The following RERE variants were observed in gnomAD, a reference collection of about 807,000 sequenced individuals.
RERE encodes the protein arginine-glutamic acid dipeptide repeats protein.
Under a neutral mutation model 146.1 loss-of-function variants are expected in RERE, and 40 were observed. That is an observed-to-expected ratio of 0.27 (90% CI 0.21 to 0.36). RERE has a LOEUF of 0.36. RERE is among the 10% of genes least tolerant of loss of function. The pLI is 1.00. For synonymous variants in RERE, 1,003 were observed against 866.0 expected (o/e 1.16, Z -2.78); for missense variants, 1,933 against 2,138.7 (o/e 0.90, Z 1.90).
chr1:8,592,879 T>C (rs781763160), intron 4 of RERE, among the ~76,000 whole-genome samples: 21 of 152,214 alleles, frequency 1.4e-4, no homozygotes. Context: ...CAAATACATG[T>C]AAAACGTGTT....
chr1:8,659,847 A>C (rs989459924), intron 1 of RERE, among the ~76,000 whole-genome samples: 1 of 152,204 alleles, frequency 6.6e-6, no homozygotes, highest in Non-Finnish European at 1.5e-5. Flanking sequence ...ATTCAACACT[A>C]CTCACTACAA....
chr1:8,450,646 C>A (rs1644379952), intron 11 of RERE, among the ~76,000 whole-genome samples: 1 of 152,158 alleles, frequency 6.6e-6, no homozygotes, highest in African/African-American at 2.4e-5. Flanking sequence ...TTCAGATCCA[C>A]ACAGAATCCC....
At chr1:8,385,813 A>G (rs1368809967) in intron 12 of RERE, among the ~76,000 whole-genome samples, 1 of 149,350 alleles carries the variant, frequency 6.7e-6, no homozygotes, top group African/African-American at 2.5e-5. Context: ...ATACAAAAAA[A>G]AAAAAATTAG....
At chr1:8,456,514 T>G (rs1644455138) in intron 11 of RERE, among the ~76,000 whole-genome samples, 1 of 151,968 alleles carries the variant, frequency 6.6e-6, no homozygotes, top group African/African-American at 2.4e-5. Context: ...TGACTCAGAG[T>G]CCTACATAAC....
chr1:8,525,802 G>A lies in RERE; in HGVS notation c.830+15412C>T, dbSNP rs996235620. ...TCATCCATGACTAACACGGGCTCTGGTGAGTCTAGCTGGATTCCTGAACCT... is the reference window on the plus strand; with the variant it reads ...TCATCCATGACTAACACGGGCTCTGATGAGTCTAGCTGGATTCCTGAACCT... On this transcript the variant is annotated intron_variant, in intron 7 of 22. Coordinates refer to ENST00000400908, the MANE Select transcript of RERE (RefSeq NM_001042681.2). 1.1e-5 allele frequency: 18 copies of A among 1,594,146 alleles called. No homozygotes were observed. The South Asian group carries it at 1.4e-4, about 12-fold the overall frequency.
intron 2 of RERE, among the ~76,000 whole-genome samples, chr1:8,632,451 T>C (rs141935473): frequency 1.7e-3 from 263 of 152,374 alleles, no homozygotes; most frequent in African/African-American, 6.1e-3. Flanking sequence ...TTATAATTCT[T>C]ATTTGGCAAA....
intron 12 of RERE, among the ~76,000 whole-genome samples, chr1:8,418,291 G>T (rs1643833350): frequency 6.6e-6 from 1 of 152,216 alleles, no homozygotes. Flanking sequence ...GATTACAAAT[G>T]ACACAAGCTT....
intron 20 of RERE, among the ~76,000 whole-genome samples, chr1:8,357,701 A>G (rs955782111): frequency 6.6e-6 from 1 of 152,238 alleles, no homozygotes; most frequent in African/African-American, 2.4e-5. Flanking sequence ...CAGGGTGGAC[A>G]GGACTGAGCA....
At chr1:8,434,768 A>C (rs556753027) in intron 11 of RERE, 3 of 152,384 alleles carry the variant, frequency 2.0e-5, no homozygotes, top group African/African-American at 7.2e-5. Flanking sequence ...GCTTGCCTAA[A>C]GTCACCACGC....
intron 12 of RERE, among the ~76,000 whole-genome samples, chr1:8,407,914 T>C (rs1643496243): frequency 6.6e-6 from 1 of 152,244 alleles, no homozygotes. Flanking sequence ...AGGTCTACCA[T>C]GATTTTTACC....
At chr1:8,804,668 G>A (rs1425853499) in intron 1 of RERE, among the ~76,000 whole-genome samples, 1 of 152,174 alleles carries the variant, frequency 6.6e-6, no homozygotes, top group Admixed American at 6.5e-5. Flanking sequence ...TCACAAGAAG[G>A]GAGTGTGCCC....
At chr1:8,373,570 C>T (rs1642125272) in intron 12 of RERE, among the ~76,000 whole-genome samples, 1 of 148,078 alleles carries the variant, frequency 6.8e-6, no homozygotes, top group Non-Finnish European at 1.5e-5. Flanking sequence ...AAACCCGGGC[C>T]CAGAGAGTGA....
At chr1:8,447,748 G>A (rs546069470) in intron 11 of RERE, among the ~76,000 whole-genome samples, 5 of 152,308 alleles carry the variant, frequency 3.3e-5, no homozygotes, top group South Asian at 2.1e-4. Context: ...TGTGTTGACC[G>A]TGTATGCAAT....
chr1:8,439,586 G>A (rs570564951), intron 11 of RERE, among the ~76,000 whole-genome samples: 7 of 152,316 alleles, frequency 4.6e-5, no homozygotes, highest in African/African-American at 1.7e-4. Context: ...ACAATCTGGA[G>A]GCAATGAAAG....
intron 3 of RERE, among the ~76,000 whole-genome samples, chr1:8,622,068 C>T (rs1646922530): frequency 6.6e-6 from 1 of 152,342 alleles, no homozygotes; most frequent in East Asian, 1.9e-4. Flanking sequence ...ACTTCCCACA[C>T]TGTTTTTGTA....
intron 1 of RERE, among the ~76,000 whole-genome samples, chr1:8,770,050 A>G (rs1451981810): frequency 6.6e-6 from 1 of 152,162 alleles, no homozygotes; most frequent in East Asian, 1.9e-4. Context: ...TCAGCCTCCC[A>G]AAGTGCTGAG....
Position 8,360,186 on chromosome 1 carries a change from G to T in RERE, c.3321C>A (p.Pro1107=). ...ALDDAEEPES[P]PPPPRSPSPE... ...GGGACGGGCTCCTTGGTGGGGGAGGGGGGCTCTCAGGCTCCTCAGCGTCGT... is the reference window on the plus strand; with the variant it reads ...GGGACGGGCTCCTTGGTGGGGGAGGTGGGCTCTCAGGCTCCTCAGCGTCGT... Residue 1107 remains proline (P), a synonymous_variant, in exon 18 of 23, where the codon CCC becomes CCA. Transcript: ENST00000400908. The T allele has an allele frequency of 6.3e-7, 1 of 1,597,778 alleles. No individual in the cohort carries two copies. Among genetic ancestry groups the T allele is most frequent in the Non-Finnish European group, 8.5e-7 (1 of 1,173,082 alleles).
intron 1 of RERE, among the ~76,000 whole-genome samples, chr1:8,795,059 G>C (rs958438661): frequency 6.6e-6 from 1 of 152,016 alleles, no homozygotes; most frequent in African/African-American, 2.4e-5. Flanking sequence ...ACGGAGTCTT[G>C]CTCTGTCGCT....
chr1:8,760,959 AT>A (rs1640746188), intron 1 of RERE, among the ~76,000 whole-genome samples: 1 of 152,164 alleles, frequency 6.6e-6, no homozygotes, highest in South Asian at 2.1e-4. Context: ...TCATTTAGCT[AT>A]TATCAGCTCC....
Sources: gnomAD v4.1 joint callset for allele counts (sites outside exome capture counted in the v4.1 genomes callset) on GRCh38, gnomAD v4.1.1 for gene constraint, MANE v1.5 for transcripts, NCBI Gene and HGNC (gene_info 2026-07-23, HGNC 2026-07-21) for gene names.